Variants in GRB10 observed in about 807,000 individuals in gnomAD.
GRB10 encodes growth factor receptor bound protein 10, also known as growth factor receptor-bound protein 10.
A neutral mutation model predicts 80.9 loss-of-function variants in GRB10; 20 were observed. The ratio of observed to expected loss-of-function variants is 0.25; its 90% confidence interval spans 0.17 to 0.36. The LOEUF is 0.36. GRB10 is among the 10% of genes least tolerant of loss of function. The pLI is 1.00. For missense variants in GRB10, 548 were observed against 747.7 expected (o/e 0.73, Z 3.12); for synonymous variants, 291 against 291.5 (o/e 1.00, Z 0.02).
intron 7 of GRB10, among the ~76,000 whole-genome samples, chr7:50,640,470 G>A (rs941112708): frequency 6.6e-6 from 1 of 152,228 alleles, no homozygotes; most frequent in Admixed American, 6.5e-5. Flanking sequence ...GCAAGGCCAA[G>A]CATTTAGTCC....
At chr7:50,735,473 G>A (rs1037484753) in intron 3 of GRB10, among the ~76,000 whole-genome samples, 1 of 152,118 alleles carries the variant, frequency 6.6e-6, no homozygotes, top group African/African-American at 2.4e-5. Context: ...GTGAAGTTCT[G>A]TGAGCAAGCT....
At chr7:50,604,194 A>T in intron 16 of GRB10, 109 bp from the exon 17 acceptor site, 1 of 1,293,896 alleles carries the variant, frequency 7.7e-7, no homozygotes, top group Non-Finnish European at 1.1e-6. Context: ...TCCCCCAGCT[A>T]CAGCTTGTGT....
chr7:50,771,509 AC>A (rs1188707566), intron 2 of GRB10, among the ~76,000 whole-genome samples: 4 of 152,194 alleles, frequency 2.6e-5, no homozygotes, highest in African/African-American at 9.7e-5. Flanking sequence ...AGTTCAAAGT[AC>A]AGCCAGCAGG....
intron 15 of GRB10, 89 bp from the exon 16 acceptor site, chr7:50,604,466 G>C: frequency 9.0e-7 from 1 of 1,108,982 alleles, no homozygotes; most frequent in East Asian, 2.3e-5. Flanking sequence ...AGGCCACTGG[G>C]TGGGGTGCCT....
At chr7:50,658,907 G>A (rs1357330370) in intron 7 of GRB10, among the ~76,000 whole-genome samples, 6 of 152,152 alleles carry the variant, frequency 3.9e-5, no homozygotes, top group Non-Finnish European at 1.5e-5. Flanking sequence ...CGGGCCTTCG[G>A]GATTATTCTC....
chr7:50,640,983 G>A (rs765620595), intron 7 of GRB10, among the ~76,000 whole-genome samples: 4 of 152,142 alleles, frequency 2.6e-5, no homozygotes, highest in Non-Finnish European at 5.9e-5. Context: ...AGTTTTTCAC[G>A]TGACACAGGC....
chr7:50,603,103 T>C (rs944084633), intron 17 of GRB10, among the ~76,000 whole-genome samples: 3 of 152,338 alleles, frequency 2.0e-5, no homozygotes, highest in Admixed American at 6.5e-5. Flanking sequence ...TCTTTGAGTT[T>C]AGCAGCTTCC....
chr7:50,778,965 A>C (rs2077992368), intron 2 of GRB10, among the ~76,000 whole-genome samples: 1 of 152,242 alleles, frequency 6.6e-6, no homozygotes, highest in Non-Finnish European at 1.5e-5. Flanking sequence ...TAAAATCCAC[A>C]GGAATCCAAA....
chr7:50,755,211 T>C (rs1243280187), intron 3 of GRB10, among the ~76,000 whole-genome samples: 1 of 152,152 alleles, frequency 6.6e-6, no homozygotes, highest in Non-Finnish European at 1.5e-5. Context: ...TGGCCTCAGC[T>C]CTCTGCCTGC....
In GRB10 at chr7:50,678,159, T is replaced by C. The variant is rs78983302; in HGVS notation, c.140-3501A>G. On this transcript the variant is annotated intron_variant, in intron 5 of 18. Coordinates refer to ENST00000401949, the MANE Select transcript of GRB10 (RefSeq NM_001350814.2). ...AGTCAACCAGATCATTCCTGGGTCA[T>C]AGCTCTGCAATTAGGTCAAATGCAA... Among the ~76,000 whole-genome samples the C allele has an allele frequency of 7.6e-3, 1,151 of 152,354 alleles. 34 individuals carry two copies. The highest frequency in any genetic ancestry group is 0.052 in the Admixed American group (793 of 15,304).
At chr7:50,754,594 C>T (rs944430312) in intron 3 of GRB10, among the ~76,000 whole-genome samples, 15 of 152,164 alleles carry the variant, frequency 9.9e-5, no homozygotes, top group Admixed American at 7.2e-4. Context: ...TGTCCACATG[C>T]GCACCTTCTG....
At chr7:50,692,053 T>C (rs900749770) in intron 5 of GRB10, among the ~76,000 whole-genome samples, 1 of 152,238 alleles carries the variant, frequency 6.6e-6, no homozygotes. Flanking sequence ...AGAGTGTACT[T>C]GCACATGTAC....
intron 6 of GRB10, among the ~76,000 whole-genome samples, chr7:50,673,601 G>A (rs753550574): frequency 7.9e-5 from 12 of 152,006 alleles, no homozygotes; most frequent in Non-Finnish European, 1.6e-4. Context: ...CTCAGGCAGC[G>A]CACAATCATC....
intron 5 of GRB10, among the ~76,000 whole-genome samples, chr7:50,680,360 C>T (rs1031161093): frequency 3.3e-5 from 5 of 152,214 alleles, no homozygotes; most frequent in Non-Finnish European, 7.3e-5. Flanking sequence ...CTCCTCTCTA[C>T]CCAGCTCACA....
At chr7:50,611,083 G>A (rs1454574401) in intron 13 of GRB10, among the ~76,000 whole-genome samples, 5 of 151,608 alleles carry the variant, frequency 3.3e-5, no homozygotes, top group East Asian at 1.9e-4. Flanking sequence ...ACCCCTGGCC[G>A]CTGCCCCTAT....
chr7:50,698,179 C>T (rs891634150), intron 5 of GRB10, among the ~76,000 whole-genome samples: 1 of 152,024 alleles, frequency 6.6e-6, no homozygotes, highest in Non-Finnish European at 1.5e-5. Flanking sequence ...ATTTTTTTTA[C>T]ATAAACAGGA....
chr7:50,773,379 T>TGGGAAGGGAAGGGGAAGGGAAG (rs1373385569), intron 2 of GRB10, among the ~76,000 whole-genome samples: 29 of 56,336 alleles, frequency 5.1e-4, no homozygotes, highest in South Asian at 1.0e-3. Flanking sequence ...GGAAGCGGAA[T>TGGGAAGGGAAGGGGAAGGGAAG]GGGAAGGGAA....
chr7:50,676,670 T>C (rs2060988897), intron 5 of GRB10, among the ~76,000 whole-genome samples: 1 of 152,034 alleles, frequency 6.6e-6, no homozygotes, highest in Non-Finnish European at 1.5e-5. Context: ...CCCTCATCTC[T>C]CAAGGCTAAA....
chr7:50,600,023 C>T (rs190957053), intron 17 of GRB10, among the ~76,000 whole-genome samples: 125 of 152,248 alleles, frequency 8.2e-4, no homozygotes, highest in South Asian at 2.9e-3. Flanking sequence ...ACTTAGTGGC[C>T]ACAGCACCAA....
Sources: allele counts gnomAD v4.1 joint callset (sites outside exome capture counted in the v4.1 genomes callset), GRCh38; gene constraint gnomAD v4.1.1; transcripts MANE v1.5; gene names NCBI Gene and HGNC (gene_info 2026-07-23, HGNC 2026-07-21).